The following CAPZA2 variants were observed in gnomAD, a reference collection of about 807,000 sequenced individuals.
CAPZA2 encodes the protein capping actin protein of muscle Z-line subunit alpha 2.
A neutral mutation model predicts 44.0 loss-of-function variants in CAPZA2; 13 were observed. The observed-to-expected ratio is 0.30, with a 90% CI of 0.19 to 0.47. CAPZA2 has a LOEUF of 0.47. CAPZA2 is among the 20% of genes least tolerant of loss of function. CAPZA2 has a pLI of 1.00. For synonymous variants in CAPZA2, 94 were observed against 108.2 expected (o/e 0.87, Z 0.81); for missense variants, 244 against 338.6 (o/e 0.72, Z 2.19).
intron 1 of CAPZA2, among the ~76,000 whole-genome samples, chr7:116,863,745 A>T (rs1279873917): frequency 6.6e-6 from 1 of 152,172 alleles, no homozygotes. Context: ...CTTCATTTTT[A>T]AATTTCAAAG....
intron 1 of CAPZA2, chr7:116,874,474 CT>C (rs1263952544): frequency 6.6e-6 from 1 of 152,200 alleles, no homozygotes; most frequent in African/African-American, 2.4e-5. Flanking sequence ...GCTGATTTTT[CT>C]TTTTAGATTC....
intron 1 of CAPZA2, among the ~76,000 whole-genome samples, chr7:116,867,456 G>A (rs571744436): frequency 1.4e-4 from 22 of 152,198 alleles, no homozygotes; most frequent in Non-Finnish European, 2.6e-4. Flanking sequence ...TTCTTAAAAT[G>A]GTATTCATGG....
intron 2 of CAPZA2, among the ~76,000 whole-genome samples, chr7:116,891,915 A>G (rs1796850922): frequency 1.3e-5 from 2 of 152,228 alleles, no homozygotes; most frequent in South Asian, 4.1e-4. Context: ...AAAATGATTC[A>G]TAGTCATTGT....
At chr7:116,894,447 C>A (rs1346950898) in intron 3 of CAPZA2, among the ~76,000 whole-genome samples, 1 of 151,754 alleles carries the variant, frequency 6.6e-6, no homozygotes, top group East Asian at 1.9e-4. Context: ...TAAAAAATGG[C>A]CTTTATGAAG....
intron 1 of CAPZA2, among the ~76,000 whole-genome samples, chr7:116,865,142 A>C (rs1480918848): frequency 6.6e-6 from 1 of 150,622 alleles, no homozygotes; most frequent in Non-Finnish European, 1.5e-5. Context: ...GTCTTAGTCC[A>C]ACGTTGATGT....
intron 1 of CAPZA2, among the ~76,000 whole-genome samples, chr7:116,868,122 TCA>T (rs1306303901): frequency 3.9e-5 from 6 of 152,234 alleles, no homozygotes; most frequent in African/African-American, 7.2e-5. Flanking sequence ...CATGAAAATC[TCA>T]GTCATCTCTC....
intron 8 of CAPZA2, 119 bp downstream of exon 8, chr7:116,912,259 A>G (rs1324163197): frequency 7.0e-5 from 101 of 1,447,560 alleles, no homozygotes; most frequent in Non-Finnish European, 9.2e-7. Context: ...CTGATAGATT[A>G]AAGATAAGTA....
intron 2 of CAPZA2, among the ~76,000 whole-genome samples, chr7:116,891,680 T>C (rs1585008264): frequency 6.6e-6 from 1 of 151,774 alleles, no homozygotes; most frequent in Non-Finnish European, 1.5e-5. Flanking sequence ...CCCGGCTAGT[T>C]TTTTGTATTT....
chr7:116,880,613 T>A (rs1421677782), intron 1 of CAPZA2, among the ~76,000 whole-genome samples: 2 of 150,196 alleles, frequency 1.3e-5, no homozygotes. Flanking sequence ...GGCAGGCTGG[T>A]CTTGAACTCC....
chr7:116,874,434 T>C (rs1796594443), intron 1 of CAPZA2: 1 of 152,356 alleles, frequency 6.6e-6, no homozygotes, highest in Non-Finnish European at 1.5e-5. Context: ...TTATCTGGCC[T>C]CTTGATCATA....
intron 4 of CAPZA2, among the ~76,000 whole-genome samples, chr7:116,902,642 A>C (rs2077988590): frequency 6.6e-6 from 1 of 152,182 alleles, no homozygotes; most frequent in African/African-American, 2.4e-5. Flanking sequence ...CCCTACCACC[A>C]CTGCTTGGGA....
chr7:116,890,044 A>C (rs1240944061), intron 2 of CAPZA2, among the ~76,000 whole-genome samples: 3 of 152,214 alleles, frequency 2.0e-5, no homozygotes, highest in Non-Finnish European at 4.4e-5. Flanking sequence ...TAATGGTGAG[A>C]CTGCACTAAA....
In CAPZA2 at chr7:116,920,577, GGCTGGA is replaced by G. The variant is rs1227277931; in HGVS notation, c.*2712_*2717del. On this transcript the variant is annotated 3_prime_UTR_variant, in exon 10 of 10. Coordinates refer to ENST00000361183, the MANE Select transcript of CAPZA2 (RefSeq NM_006136.3). ...GTGAGATAAAGAGAACCATGTCTGG[GGCTGGA>G]GAAATTGAGGAAGATTCTTGTAGGA... The G allele has an allele frequency of 6.6e-6, 1 of 152,432 alleles. No individual in the cohort carries two copies. The highest frequency in any genetic ancestry group is 1.5e-5 in the Non-Finnish European group (1 of 68,256). The allele number at this position is 152,432 out of a possible 1,614,324, so 9.4% of individuals were successfully genotyped here. A position where few individuals can be genotyped will look rare whatever the true frequency, so the allele number is the denominator to read the frequency against.
chr7:116,907,432 T>C (rs1266372371), intron 6 of CAPZA2, among the ~76,000 whole-genome samples: 2 of 152,184 alleles, frequency 1.3e-5, no homozygotes, highest in African/African-American at 4.8e-5. Context: ...AAACAATATT[T>C]ATAAAATTAT....
intron 2 of CAPZA2, among the ~76,000 whole-genome samples, chr7:116,891,186 C>T (rs1796842309): frequency 6.6e-6 from 1 of 151,710 alleles, no homozygotes; most frequent in Non-Finnish European, 1.5e-5. Context: ...CTTTTTATTT[C>T]TTCTACTCTT....
chr7:116,890,585 TATATATATATATACACACACACACAC>T (rs1796830477), intron 2 of CAPZA2, among the ~76,000 whole-genome samples: 3 of 31,906 alleles, frequency 9.4e-5, no homozygotes, highest in Admixed American at 4.3e-4. Context: ...TATATATATA[TATATATATATATACACACACACACAC>T]ACATATATAC....
intron 1 of CAPZA2, among the ~76,000 whole-genome samples, chr7:116,864,446 T>C (rs1004191652): frequency 6.6e-6 from 1 of 152,216 alleles, no homozygotes; most frequent in African/African-American, 2.4e-5. Flanking sequence ...CAAAATGTTT[T>C]ATGGTTAAAT....
Position 116,906,462 on chromosome 7 carries a change from A to G in CAPZA2, c.506+120A>G, listed in dbSNP as rs1027235052. 19 of 1,426,330 alleles carry G rather than the reference A, an allele frequency of 1.3e-5. No individual in the cohort carries two copies. In the Middle Eastern group the frequency reaches 1.4e-3, roughly 104 times the overall value. 88.4% of individuals were successfully genotyped at this position (1,426,330 alleles called of 1,614,324 possible). On this transcript the variant is annotated intron_variant, in intron 6 of 9. Transcript: ENST00000361183. The stretch of plus-strand genomic sequence containing the variant: ...TGATTAAGAACAATTTAGAGATGGT[A>G]TAAAATTTTAGCCTTTTGATATAAG...
intron 1 of CAPZA2, among the ~76,000 whole-genome samples, chr7:116,865,293 C>T (rs1202964683): frequency 7.1e-6 from 1 of 141,610 alleles, no homozygotes; most frequent in Non-Finnish European, 1.5e-5. Context: ...TGAAGCGATT[C>T]TTCTGCCTCA....
Sources: allele counts gnomAD v4.1 joint callset (sites outside exome capture counted in the v4.1 genomes callset), GRCh38; gene constraint gnomAD v4.1.1; transcripts MANE v1.5; gene names NCBI Gene and HGNC (gene_info 2026-07-23, HGNC 2026-07-21).